The following FBP2 variants were observed in gnomAD, a reference collection of about 807,000 sequenced individuals.
FBP2 encodes the protein fructose-bisphosphatase 2, also known as fructose-1,6-bisphosphatase isozyme 2.
Under a neutral mutation model 31.6 loss-of-function variants are expected in FBP2, and 27 were observed. The observed-to-expected ratio is 0.85, with a 90% confidence interval of 0.63 to 1.18. FBP2 has a LOEUF of 1.18. Among genes scored for constraint, FBP2 ranks in the 50% most tolerant of loss-of-function variants. The pLI, the probability that FBP2 is intolerant of heterozygous loss-of-function variation, is 0.00. For synonymous variants in FBP2, 168 were observed against 179.8 expected (o/e 0.93, Z 0.53); for missense variants, 421 against 436.1 (o/e 0.97, Z 0.31).
At chr9:94,567,581 G>A (rs1827209908) in intron 4 of FBP2, 174 bp from the exon 5 acceptor site, 1 of 642,612 alleles carries the variant, frequency 1.6e-6, no homozygotes, top group Non-Finnish European at 2.6e-6. Context: ...GAAGAATAGG[G>A]ACCATATGGA....
chr9:94,573,844 T>C (rs1417617000), intron 3 of FBP2, among the ~76,000 whole-genome samples: 4 of 152,244 alleles, frequency 2.6e-5, no homozygotes, highest in Non-Finnish European at 2.9e-5. Context: ...ATAAAATGAA[T>C]TGGGAAGTGT....
chr9:94,572,701 A>G (rs1372370810), intron 3 of FBP2, among the ~76,000 whole-genome samples: 2 of 151,722 alleles, frequency 1.3e-5, no homozygotes, highest in African/African-American at 2.4e-5. Flanking sequence ...CATTTAATTC[A>G]CACACACACA....
At chr9:94,590,330 G>C (rs556687191) in intron 1 of FBP2, among the ~76,000 whole-genome samples, 1 of 152,312 alleles carries the variant, frequency 6.6e-6, no homozygotes, top group African/African-American at 2.4e-5. Flanking sequence ...AGCCTCTCTT[G>C]TTCCCACCAT....
chr9:94,580,221 G>A (rs934384594), intron 3 of FBP2, among the ~76,000 whole-genome samples: 1 of 152,152 alleles, frequency 6.6e-6, no homozygotes, highest in Non-Finnish European at 1.5e-5. Context: ...ATAACGTTCT[G>A]TATTGCCTTT....
At chr9:94,566,656 G>A in intron 5 of FBP2, among the ~76,000 whole-genome samples, 1 of 152,124 alleles carries the variant, frequency 6.6e-6, no homozygotes, top group Admixed American at 6.5e-5. Flanking sequence ...GCTCTGCTGG[G>A]TTAGGGTCTC....
intron 3 of FBP2, among the ~76,000 whole-genome samples, chr9:94,583,086 C>A (rs1375286873): frequency 6.6e-6 from 1 of 151,246 alleles, no homozygotes; most frequent in Non-Finnish European, 1.5e-5. Context: ...AACTCCTGAC[C>A]TCAGGTGATC....
At chr9:94,593,534 C>T (rs1172461775) in intron 1 of FBP2, 23 bp downstream of exon 1, 1 of 1,605,792 alleles carries the variant, frequency 6.2e-7, no homozygotes, top group Admixed American at 1.7e-5. Flanking sequence ...CTCTGTGCCC[C>T]ATGCCTGCTC....
In FBP2 at chr9:94,567,140, A is replaced by G. The variant is rs959014967; in HGVS notation, c.705+130T>C. 2.7e-5 allele frequency: 23 copies of G among 855,570 alleles called. No individual in the cohort carries two copies. The African/African-American group carries it at 3.6e-4, about 13-fold the overall frequency. The allele number at this position is 855,570 out of a possible 1,614,324, so 53.0% of individuals were successfully genotyped here. A position where few individuals can be genotyped will look rare whatever the true frequency, so the allele number is the denominator to read the frequency against. ...CTTATGAAGAAAGGCAGAGTCCATC[A>G]TCTTCATACTGACCACAGCCATAAA... On this transcript the variant is annotated intron_variant, in intron 5 of 6. Transcript: ENST00000375337.
intron 6 of FBP2, among the ~76,000 whole-genome samples, chr9:94,562,111 A>G (rs1028626456): frequency 6.6e-6 from 1 of 151,950 alleles, no homozygotes; most frequent in African/African-American, 2.4e-5. Context: ...GGAGATCGAG[A>G]CCATCCTGGC....
chr9:94,593,149 T>C (rs912042720), intron 1 of FBP2, among the ~76,000 whole-genome samples: 35 of 152,158 alleles, frequency 2.3e-4, no homozygotes, highest in Non-Finnish European at 4.1e-4. Context: ...TCCTAACATA[T>C]TTGCAAAGCT....
rs575179961 is a variant in FBP2, at chr9:94,587,451, G to C, written c.189C>G (p.Ser63Arg). The C allele has an allele frequency of 6.2e-7, 1 of 1,613,832 alleles. No individual in the cohort carries two copies. The highest frequency in any genetic ancestry group is 1.7e-5 in the Admixed American group (1 of 59,954). ...GLAHLYGIAG[S>R]VNVTGDEVKK... ...TCACCTCATCTCCCGTCACGTTAAC[G>C]CTTCCTGCGATTCCATACCTGAGAA... The change falls in exon 2 of 7, where the codon AGC becomes AGG. Residue 63 changes from serine to arginine, a missense_variant. Transcript: ENST00000375337.
chr9:94,581,479 G>A (rs1587843947), intron 3 of FBP2, among the ~76,000 whole-genome samples: 1 of 152,174 alleles, frequency 6.6e-6, no homozygotes, highest in East Asian at 1.9e-4. Flanking sequence ...GTTAATGAAT[G>A]CCTGGCCACC....
chr9:94,591,075 G>C (rs993383831), intron 1 of FBP2, among the ~76,000 whole-genome samples: 8 of 152,258 alleles, frequency 5.3e-5, no homozygotes, highest in Admixed American at 3.3e-4. Context: ...AGCCCAGCTG[G>C]CTTCACCTAG....
rs1445690465 is a variant in FBP2 at position 94,563,339 on chromosome 9, T to C, written c.825+3A>G. 5 of 1,613,478 alleles carry C rather than the reference T, an allele frequency of 3.1e-6. No homozygotes were observed. The South Asian group carries it at 4.4e-5, about 14-fold the overall frequency. On this transcript the variant is annotated splice_donor_region_variant and intron_variant, in intron 6 of 6. Transcript: ENST00000375337. ...GCACAGCCAGTGGACAAGGGAGAAT[T>C]ACCTTGCCCTTAGGGCTCTTCTGGT... is the stretch of plus-strand genomic sequence containing the variant.
At chr9:94,593,514 GCCTGGGGTGCTCTGTGC>G (rs1324394524) in intron 1 of FBP2, 26 bp downstream of exon 1, 14 of 1,575,082 alleles carry the variant, frequency 8.9e-6, no homozygotes, top group Non-Finnish European at 1.2e-5. Flanking sequence ...CCCTGCCTGG[GCCTGGGGTGCTCTGTGC>G]CCCATGCCTG....
chr9:94,574,236 T>C (rs1827295615), intron 3 of FBP2, among the ~76,000 whole-genome samples: 1 of 152,210 alleles, frequency 6.6e-6, no homozygotes, highest in South Asian at 2.1e-4. Flanking sequence ...TTGATACATA[T>C]TGAAAAATTG....
chr9:94,590,696 C>T (rs1316002242), intron 1 of FBP2, among the ~76,000 whole-genome samples: 1 of 152,158 alleles, frequency 6.6e-6, no homozygotes, highest in Non-Finnish European at 1.5e-5. Flanking sequence ...AGCGAAAGAA[C>T]AAAGCCTCCA....
Position 94,558,806 on chromosome 9 carries a change from G to A in FBP2, c.*132C>T. ...CCAAACCTGTCGTAAGCAGTTTGTT[G>A]TTGCTCTTCTGTATGTGATTAAGTG... On this transcript the variant is annotated 3_prime_UTR_variant, in exon 7 of 7. Transcript: ENST00000375337. 1 of 814,310 alleles carries A rather than the reference G, an allele frequency of 1.2e-6. No individual in the cohort carries two copies. Among genetic ancestry groups the A allele is most frequent in the South Asian group, 1.6e-5 (1 of 63,972 alleles). 50.4% of individuals were successfully genotyped at this position (814,310 alleles called of 1,614,324 possible). A position where few individuals can be genotyped will look rare whatever the true frequency, so the allele number is the denominator to read the frequency against.
At position 94,563,390 on chromosome 9, in the gene FBP2, A is replaced by G. The variant is rs1410571544; in HGVS notation, c.777T>C (p.Tyr259=). 2 of 1,614,134 alleles carry G rather than the reference A, an allele frequency of 1.2e-6. No homozygotes were observed. Among genetic ancestry groups the G allele is most frequent in the Non-Finnish European group, 1.7e-6 (2 of 1,180,006 alleles). ...TGGCTGGGTACAGGAAGATTCCTCC[A>G]TAGACCAGGGTGCGGTGCACGTCAG... ...MVADVHRTLV[Y]GGIFLYPANQ... Residue 259 remains tyrosine, a synonymous_variant, in exon 6 of 7, where the codon TAT becomes TAC. Coordinates refer to ENST00000375337, the MANE Select transcript of FBP2 (RefSeq NM_003837.4).
Sources: gnomAD v4.1 joint callset for allele counts (sites outside exome capture counted in the v4.1 genomes callset) on GRCh38, gnomAD v4.1.1 for gene constraint, MANE v1.5 for transcripts, NCBI Gene and HGNC (gene_info 2026-07-23, HGNC 2026-07-21) for gene names.